KLHL1: variants seen among roughly 807,000 people sequenced by gnomAD.
The protein encoded by KLHL1 is kelch-like protein 1.
In KLHL1, 47 loss-of-function variants were observed where a neutral mutation model predicts 77.7. The ratio of observed to expected loss-of-function variants is 0.60; its 90% confidence interval spans 0.48 to 0.77. The LOEUF (loss-of-function observed/expected upper bound fraction) is 0.77, where lower values mean the gene tolerates loss of function less well. Ranked by LOEUF, KLHL1 falls within the 30% of genes least tolerant of loss-of-function variation. The pLI, the probability that KLHL1 is intolerant of heterozygous loss-of-function variation, is 0.00. For synonymous variants in KLHL1, 360 were observed against 325.2 expected (o/e 1.11, Z -1.15); for missense variants, 925 against 910.8 (o/e 1.02, Z -0.20).
intron 1 of KLHL1, among the ~76,000 whole-genome samples, chr13:70,000,096 T>C (rs1211878378): frequency 6.6e-6 from 1 of 151,938 alleles, no homozygotes; most frequent in Non-Finnish European, 1.5e-5. Flanking sequence ...GGCACCTCTT[T>C]CTCTGTCTCC....
chr13:69,765,424 A>G (rs1311575302), intron 7 of KLHL1, among the ~76,000 whole-genome samples: 1 of 152,194 alleles, frequency 6.6e-6, no homozygotes, highest in East Asian at 1.9e-4. Flanking sequence ...TTGCTATCAC[A>G]TAAGAACATA....
chr13:69,892,154 G>A (rs1179632342), intron 4 of KLHL1, among the ~76,000 whole-genome samples: 2 of 152,068 alleles, frequency 1.3e-5, no homozygotes, highest in Non-Finnish European at 2.9e-5. Context: ...ATATTCTTTA[G>A]GTGTCTAGCA....
At chr13:69,719,633 A>G (rs1266921233) in intron 8 of KLHL1, 52 bp from the exon 9 acceptor site, 1 of 1,419,020 alleles carries the variant, frequency 7.0e-7, no homozygotes, top group South Asian at 1.2e-5. Flanking sequence ...TGGATGACAA[A>G]ATATAGAAAA....
chr13:70,033,577 A>C (rs893510636), intron 1 of KLHL1, among the ~76,000 whole-genome samples: 1 of 126,354 alleles, frequency 7.9e-6, no homozygotes, highest in Non-Finnish European at 1.6e-5. Flanking sequence ...AAGTGCTGGG[A>C]TTACAGGTGT....
At chr13:70,030,763 C>A (rs1886077187) in intron 1 of KLHL1, among the ~76,000 whole-genome samples, 1 of 151,902 alleles carries the variant, frequency 6.6e-6, no homozygotes, top group South Asian at 2.1e-4. Context: ...CTGAAGGAGA[C>A]AGAGATATAA....
At chr13:69,812,598 A>G (rs1877930496) in intron 6 of KLHL1, among the ~76,000 whole-genome samples, 1 of 152,166 alleles carries the variant, frequency 6.6e-6, no homozygotes, top group African/African-American at 2.4e-5. Flanking sequence ...AATATCCAGA[A>G]TCTACAATGA....
chr13:70,017,467 A>G (rs1451945560), intron 1 of KLHL1, among the ~76,000 whole-genome samples: 1 of 152,112 alleles, frequency 6.6e-6, no homozygotes. Flanking sequence ...GGAGCTGCCC[A>G]CTCTGCTGCA....
At chr13:69,968,574 T>A (rs1370006226) in intron 2 of KLHL1, among the ~76,000 whole-genome samples, 1 of 151,450 alleles carries the variant, frequency 6.6e-6, no homozygotes, top group African/African-American at 2.4e-5. Context: ...GGTATTAATA[T>A]AAATTATTTG....
chr13:69,761,687 A>C (rs1263378289), intron 7 of KLHL1, among the ~76,000 whole-genome samples: 1 of 152,196 alleles, frequency 6.6e-6, no homozygotes, highest in Non-Finnish European at 1.5e-5. Context: ...GCATTTAATA[A>C]ATGTGCTATG....
chr13:69,844,137 G>C (rs1439741762), intron 5 of KLHL1, among the ~76,000 whole-genome samples: 1 of 150,838 alleles, frequency 6.6e-6, no homozygotes, highest in Admixed American at 6.6e-5. Flanking sequence ...TATGTGCCTA[G>C]GTTTATAATA....
At chr13:69,933,890 T>C (rs1310781268) in intron 4 of KLHL1, among the ~76,000 whole-genome samples, 3 of 152,108 alleles carry the variant, frequency 2.0e-5, no homozygotes, top group Admixed American at 1.3e-4. Context: ...AAGGAATTCA[T>C]ATTTTGTGTC....
intron 1 of KLHL1, among the ~76,000 whole-genome samples, chr13:70,000,879 A>G (rs1232907836): frequency 6.6e-6 from 1 of 151,192 alleles, no homozygotes; most frequent in Non-Finnish European, 1.5e-5. Flanking sequence ...AATGAGGATA[A>G]TAAGATCAAA....
intron 1 of KLHL1, among the ~76,000 whole-genome samples, chr13:70,074,399 A>T (rs1044541205): frequency 9.2e-5 from 14 of 151,926 alleles, no homozygotes; most frequent in Non-Finnish European, 1.9e-4. Context: ...AGGATGCCCA[A>T]CTATATTTAC....
chr13:69,784,862 C>T (rs937947135), intron 7 of KLHL1, among the ~76,000 whole-genome samples: 1 of 148,782 alleles, frequency 6.7e-6, no homozygotes, highest in African/African-American at 2.5e-5. Context: ...AACTCTCCAC[C>T]CCAAATCAAC....
rs1163543391 is a variant in KLHL1 at position 69,708,247 on chromosome 13, A to G, written c.2016-451T>C. Among the ~76,000 whole-genome samples the G allele has an allele frequency of 5.9e-5, 9 of 152,042 alleles. No individual in the cohort carries two copies. The Admixed American group carries it at 5.9e-4, about 10-fold the overall frequency. On this transcript the variant is annotated intron_variant, in intron 9 of 10. Transcript: ENST00000377844. ...AAGTCTAGCCTAAATTTGCTAGGAA[A>G]AAAAAGGAAAGATTTGTGCAAAAAT...
chr13:70,061,456 C>T (rs1352719606), intron 1 of KLHL1, among the ~76,000 whole-genome samples: 1 of 151,788 alleles, frequency 6.6e-6, no homozygotes, highest in African/African-American at 2.4e-5. Context: ...GTATATTAAT[C>T]AGCAATTCCC....
intron 1 of KLHL1, among the ~76,000 whole-genome samples, chr13:70,026,703 GGTGTGTGTGTGTGT>G (rs3072710): frequency 3.5e-5 from 3 of 85,256 alleles, no homozygotes; most frequent in Non-Finnish European, 9.0e-5. Context: ...AAGAACTTAG[GGTGTGTGTGTGTGT>G]GTGTGTGTGT....
chr13:69,766,545 T>C (rs1566228380), intron 7 of KLHL1, among the ~76,000 whole-genome samples: 1 of 151,692 alleles, frequency 6.6e-6, no homozygotes, highest in African/African-American at 2.4e-5. Context: ...AAAATAATAA[T>C]GATACTTCAG....
chr13:70,042,076 G>A (rs1005516484), intron 1 of KLHL1, among the ~76,000 whole-genome samples: 1 of 152,064 alleles, frequency 6.6e-6, no homozygotes, highest in African/African-American at 2.4e-5. Flanking sequence ...GCTTATCCTA[G>A]GGCTTCTTTT....
Sources: gnomAD v4.1 joint callset for allele counts (sites outside exome capture counted in the v4.1 genomes callset) on GRCh38, gnomAD v4.1.1 for gene constraint, MANE v1.5 for transcripts, NCBI Gene and HGNC (gene_info 2026-07-23, HGNC 2026-07-21) for gene names.